The following CFAP47 variants were observed in gnomAD, a reference collection of about 807,000 sequenced individuals.
The protein encoded by CFAP47 is cilia and flagella associated protein 47, also known as cilia- and flagella-associated protein 47.
A neutral mutation model predicts 148.1 loss-of-function variants in CFAP47; 29 were observed. The ratio of observed to expected loss-of-function variants is 0.20; its 90% CI spans 0.15 to 0.27. The LOEUF (loss-of-function observed/expected upper bound fraction) is 0.27, where lower values mean the gene tolerates loss of function less well. Among genes scored for constraint, CFAP47 ranks in the 10% least tolerant of loss-of-function variants. The probability of loss-of-function intolerance (pLI) is 1.00; values close to 1 mark genes in which losing one functional copy is unlikely to be tolerated. For synonymous variants in CFAP47, 664 were observed against 577.3 expected (o/e 1.15, Z -2.15); for missense variants, 1,872 against 1,697.5 (o/e 1.10, Z -1.81).
intron 57 of CFAP47, among the ~76,000 whole-genome samples, chrX:36,338,289 C>G (rs1175721440): frequency 1.8e-5 from 2 of 110,299 alleles, no homozygotes; most frequent in African/African-American, 3.3e-5. Flanking sequence ...ACCCTACCAG[C>G]TGTCATCCCA....
At chrX:36,303,109 G>T (rs1941313711) in intron 53 of CFAP47, among the ~76,000 whole-genome samples, 1 of 111,561 alleles carries the variant, frequency 9.0e-6, no homozygotes, top group Non-Finnish European at 1.9e-5. Flanking sequence ...TAAAATCAAG[G>T]GTTCACCATG....
chrX:36,335,266 AT>A, intron 57 of CFAP47, among the ~76,000 whole-genome samples: 1 of 111,097 alleles, frequency 9.0e-6, no homozygotes, highest in East Asian at 2.8e-4. Context: ...TTTCTCTCAC[AT>A]CCCCCAATCA....
At chrX:36,246,543 C>T (rs1299013428) in intron 48 of CFAP47, among the ~76,000 whole-genome samples, 9 of 111,429 alleles carry the variant, frequency 8.1e-5, no homozygotes, top group Non-Finnish European at 1.5e-4. Flanking sequence ...GGGGAAATGC[C>T]AGATGCTTGT....
At chrX:36,158,515 G>A (rs1319573871) in intron 37 of CFAP47, among the ~76,000 whole-genome samples, 1 of 112,182 alleles carries the variant, frequency 8.9e-6, no homozygotes, top group Non-Finnish European at 1.9e-5. Flanking sequence ...ACTGCCTCAT[G>A]GATGGTAAGA....
chrX:35,992,335 A>G (rs767638422), intron 17 of CFAP47, among the ~76,000 whole-genome samples: 1 of 110,693 alleles, frequency 9.0e-6, no homozygotes, highest in East Asian at 2.8e-4. Flanking sequence ...TGGAGAGAGT[A>G]TGTTTATGGT....
At chrX:36,009,243 T>C (rs1357340506) in intron 21 of CFAP47, among the ~76,000 whole-genome samples, 1 of 110,762 alleles carries the variant, frequency 9.0e-6, no homozygotes, top group Non-Finnish European at 1.9e-5. Context: ...ATTATTAATA[T>C]ATAAAAAAGC....
chrX:36,120,211 T>C (rs1460173784), intron 33 of CFAP47, among the ~76,000 whole-genome samples: 1 of 108,972 alleles, frequency 9.2e-6, no homozygotes, highest in Non-Finnish European at 1.9e-5. Context: ...GGTTTCATCA[T>C]GTTAGCCAGG....
chrX:35,961,562 T>C (rs1249920283), intron 8 of CFAP47, among the ~76,000 whole-genome samples: 2 of 111,358 alleles, frequency 1.8e-5, no homozygotes, highest in East Asian at 5.6e-4. Context: ...TGTCTTTCTC[T>C]TTATAAGAAT....
intron 57 of CFAP47, among the ~76,000 whole-genome samples, chrX:36,339,144 C>T (rs1394020221): frequency 8.9e-6 from 1 of 111,941 alleles, no homozygotes; most frequent in Non-Finnish European, 1.9e-5. Flanking sequence ...GCATATTGCA[C>T]AAAATGGAAT....
chrX:35,968,318 A>C (rs926952646), intron 10 of CFAP47, among the ~76,000 whole-genome samples: 1 of 110,920 alleles, frequency 9.0e-6, no homozygotes, highest in Admixed American at 9.7e-5. Flanking sequence ...CATTTTTAAT[A>C]ATCTTCCACA....
At chrX:35,954,464 A>C (rs1936214934) in intron 7 of CFAP47, among the ~76,000 whole-genome samples, 1 of 111,281 alleles carries the variant, frequency 9.0e-6, no homozygotes, top group African/African-American at 3.3e-5. Flanking sequence ...TTGGGCATAA[A>C]TGGATTGTTC....
At chrX:36,162,182 A>G (rs949334406) in intron 39 of CFAP47, among the ~76,000 whole-genome samples, 3 of 112,388 alleles carry the variant, frequency 2.7e-5, no homozygotes, top group Non-Finnish European at 5.6e-5. Flanking sequence ...AGATTTAATT[A>G]AAATGGTTAA....
At chrX:36,001,918 G>T (rs1936920099) in intron 21 of CFAP47, among the ~76,000 whole-genome samples, 1 of 111,425 alleles carries the variant, frequency 9.0e-6, no homozygotes, top group African/African-American at 3.3e-5. Flanking sequence ...ATGTACAGGG[G>T]ACCTATGATT....
chrX:36,056,946 T>C (rs969603054), intron 26 of CFAP47, among the ~76,000 whole-genome samples: 15 of 112,424 alleles, frequency 1.3e-4, no homozygotes, highest in African/African-American at 4.9e-4. Flanking sequence ...CTTCATTCTG[T>C]TCTTCATTTG....
At chrX:35,940,665 G>C (rs6629022) in intron 2 of CFAP47, among the ~76,000 whole-genome samples, 20,359 of 109,194 alleles carry the variant, frequency 0.19, 1,563 homozygotes, top group African/African-American at 0.28. Flanking sequence ...TCTCTCCCCC[G>C]CTCTCTCTCT....
chrX:36,246,972 C>G (rs190979295), intron 48 of CFAP47, among the ~76,000 whole-genome samples: 1 of 111,331 alleles, frequency 9.0e-6, no homozygotes, highest in South Asian at 3.8e-4. Flanking sequence ...GACACATGAA[C>G]TCATATGTTC....
chrX:36,361,771 T>G (rs782021785), intron 61 of CFAP47, among the ~76,000 whole-genome samples: 117 of 112,015 alleles, frequency 1.0e-3, no homozygotes, highest in Middle Eastern at 9.2e-3. Context: ...GAATATTCTC[T>G]TCTGTAAAAT....
intron 27 of CFAP47, among the ~76,000 whole-genome samples, chrX:36,066,163 G>A (rs1937637377): frequency 9.0e-6 from 1 of 111,149 alleles, no homozygotes; most frequent in Non-Finnish European, 1.9e-5. Context: ...TTGCTGCAGG[G>A]GAAATTGTGA....
At chrX:36,358,750 T>G (rs1267807836) in intron 60 of CFAP47, among the ~76,000 whole-genome samples, 1 of 111,666 alleles carries the variant, frequency 9.0e-6, no homozygotes, top group Non-Finnish European at 1.9e-5. Flanking sequence ...CTTTCTCAAG[T>G]GGGCCCAGCT....
Sources: gnomAD v4.1 joint callset for allele counts (sites outside exome capture counted in the v4.1 genomes callset) on GRCh38, gnomAD v4.1.1 for gene constraint, MANE v1.5 for transcripts, NCBI Gene and HGNC (gene_info 2026-07-23, HGNC 2026-07-21) for gene names.